PDE8B: variants seen among roughly 807,000 people sequenced by gnomAD.
PDE8B encodes high affinity cAMP-specific and IBMX-insensitive 3',5'-cyclic phosphodiesterase 8B.
A neutral mutation model predicts 101.3 loss-of-function variants in PDE8B; 26 were observed. The ratio of observed to expected loss-of-function variants is 0.26; its 90% CI spans 0.19 to 0.36. The LOEUF (loss-of-function observed/expected upper bound fraction) is 0.36, where lower values mean the gene tolerates loss of function less well. Ranked by LOEUF, PDE8B falls within the 10% of genes least tolerant of loss-of-function variation. The probability of loss-of-function intolerance (pLI) is 1.00; values close to 1 mark genes in which losing one functional copy is unlikely to be tolerated. For missense variants in PDE8B, 810 were observed against 1,163.1 expected (o/e 0.70, Z 4.42); for synonymous variants, 424 against 429.3 (o/e 0.99, Z 0.15).
At chr5:77,165,318 T>A in the PDE8B span, 2 of 152,198 alleles carry the variant, frequency 1.3e-5, no homozygotes, top group Non-Finnish European at 2.9e-5. Context: ...AATGACAGTG[T>A]CTAACAACCA....
At chr5:77,142,286 T>G in the PDE8B span, 2 of 152,188 alleles carry the variant, frequency 1.3e-5, no homozygotes, top group African/African-American at 4.8e-5. Context: ...TGCATATTGG[T>G]TGCATTTCTC....
intron 1 of PDE8B, among the ~76,000 whole-genome samples, chr5:77,301,028 G>A (rs564513501): frequency 6.6e-6 from 1 of 152,304 alleles, no homozygotes; most frequent in South Asian, 2.1e-4. Flanking sequence ...CATTACCCCT[G>A]GGGCCATCTA....
chr5:77,295,448 A>C (rs1385237622), intron 1 of PDE8B, among the ~76,000 whole-genome samples: 1 of 152,182 alleles, frequency 6.6e-6, no homozygotes, highest in African/African-American at 2.4e-5. Context: ...ATCCAAAGAC[A>C]GCTGTAAAAA....
intron 5 of PDE8B, among the ~76,000 whole-genome samples, chr5:77,332,983 A>AATAT (rs36015907): frequency 0.28 from 41,715 of 150,688 alleles, 6,698 homozygotes; most frequent in African/African-American, 0.45. Context: ...CTGGCTTAAA[A>AATAT]ATATATATAT....
At chr5:77,388,406 A>G (rs2150890270) in intron 10 of PDE8B, among the ~76,000 whole-genome samples, 1 of 152,348 alleles carries the variant, frequency 6.6e-6, no homozygotes, top group African/African-American at 2.4e-5. Context: ...TGGAGGCTGC[A>G]GAACAGCAAA....
At chr5:77,167,807 G>T in the PDE8B span, among the ~76,000 whole-genome samples, 1 of 152,140 alleles carries the variant, frequency 6.6e-6, no homozygotes, top group Non-Finnish European at 1.5e-5. Context: ...AAAACACCCA[G>T]CCCAGGGAGT....
At chr5:77,128,151 A>G in the PDE8B span, among the ~76,000 whole-genome samples, 1 of 152,326 alleles carries the variant, frequency 6.6e-6, no homozygotes, top group Non-Finnish European at 1.5e-5. Context: ...TCCAAGGACC[A>G]TAGTTACCAC....
chr5:77,252,056 G>T (rs1279521307), intron 1 of PDE8B, among the ~76,000 whole-genome samples: 3 of 152,090 alleles, frequency 2.0e-5, no homozygotes, highest in African/African-American at 7.2e-5. Context: ...CATGAATCTG[G>T]TTATCCTTCA....
At chr5:77,177,993 A>G in the PDE8B span, among the ~76,000 whole-genome samples, 6,090 of 152,266 alleles carry the variant, frequency 0.04, 297 homozygotes, top group African/African-American at 0.11. Flanking sequence ...AACCATCAGA[A>G]CTCAGGCTAG....
intron 1 of PDE8B, among the ~76,000 whole-genome samples, chr5:77,274,331 C>A (rs549766204): frequency 6.6e-6 from 1 of 152,138 alleles, no homozygotes; most frequent in African/African-American, 2.4e-5. Context: ...AGGTCATCTG[C>A]GGCAGGGCTG....
intron 1 of PDE8B, among the ~76,000 whole-genome samples, chr5:77,243,666 T>A (rs565602617): frequency 6.6e-6 from 1 of 152,312 alleles, no homozygotes; most frequent in East Asian, 1.9e-4. Flanking sequence ...TGTTGTAGCA[T>A]GTGTGAGTAG....
chr5:77,290,782 T>G (rs1767132328), intron 1 of PDE8B: 1 of 1,481,676 alleles, frequency 6.7e-7, no homozygotes, highest in African/African-American at 1.4e-5. Context: ...CCTGTGGCAG[T>G]GTATGGTTGG....
At chr5:77,251,425 C>T (rs1251689930) in intron 1 of PDE8B, among the ~76,000 whole-genome samples, 2 of 152,192 alleles carry the variant, frequency 1.3e-5, no homozygotes, top group Admixed American at 6.5e-5. Flanking sequence ...CTGGGGCATG[C>T]CCCCCTTCTT....
the PDE8B span, among the ~76,000 whole-genome samples, chr5:77,164,515 C>G: frequency 6.6e-6 from 1 of 152,170 alleles, no homozygotes; most frequent in African/African-American, 2.4e-5. Context: ...GTCCTTTACT[C>G]AACTCATTCA....
intron 10 of PDE8B, among the ~76,000 whole-genome samples, chr5:77,366,854 G>A (rs1581267248): frequency 6.6e-6 from 1 of 152,092 alleles, no homozygotes; most frequent in African/African-American, 2.4e-5. Context: ...GGGGCTCTAG[G>A]CCTTGCTCCT....
chr5:77,413,083 A>T, intron 16 of PDE8B, 28 bp from the exon 17 acceptor site: 1 of 1,592,122 alleles, frequency 6.3e-7, no homozygotes, highest in Non-Finnish European at 8.6e-7. Flanking sequence ...GAATACAATG[A>T]GCCAGGGTGG....
At chr5:77,136,706 A>C in the PDE8B span, among the ~76,000 whole-genome samples, 1 of 152,184 alleles carries the variant, frequency 6.6e-6, no homozygotes, top group South Asian at 2.1e-4. Context: ...GGAGAGAAGA[A>C]TCTTCCGGTC....
At chr5:77,374,944 C>T (rs922699823) in intron 10 of PDE8B, among the ~76,000 whole-genome samples, 2 of 152,100 alleles carry the variant, frequency 1.3e-5, no homozygotes, top group African/African-American at 4.8e-5. Context: ...CTACAGACTA[C>T]AGACAGAACC....
intron 10 of PDE8B, among the ~76,000 whole-genome samples, chr5:77,358,651 T>C (rs1259631584): frequency 6.6e-6 from 1 of 152,254 alleles, no homozygotes; most frequent in Non-Finnish European, 1.5e-5. Context: ...AGTTGATCTA[T>C]ATGTAGCCAA....
Sources: allele counts gnomAD v4.1 joint callset (sites outside exome capture counted in the v4.1 genomes callset), GRCh38; gene constraint gnomAD v4.1.1; transcripts MANE v1.5; gene names NCBI Gene and HGNC (gene_info 2026-07-23, HGNC 2026-07-21).